The following LUZP2 variants were observed in gnomAD, a reference collection of about 807,000 sequenced individuals.
LUZP2 encodes leucine zipper protein 2.
LUZP2 carries 52 observed loss-of-function variants against 51.6 expected under a neutral mutation model. The ratio of observed to expected loss-of-function variants is 1.01; its 90% CI spans 0.81 to 1.27. The LOEUF is 1.27. LUZP2 is among the 50% of genes most tolerant of loss of function. The pLI is 0.00. For missense variants in LUZP2, 436 were observed against 395.4 expected, an observed-to-expected ratio of 1.10 and a Z score of -0.87; for synonymous variants, 154 against 137.3, an observed-to-expected ratio of 1.12 and a Z score of -0.85.
intron 6 of LUZP2, among the ~76,000 whole-genome samples, chr11:24,907,704 T>G (rs949282780): frequency 6.6e-6 from 1 of 152,182 alleles, no homozygotes; most frequent in African/African-American, 2.4e-5. Context: ...ATGACACTCA[T>G]GTATATGAAA....
intron 1 of LUZP2, among the ~76,000 whole-genome samples, chr11:24,650,839 T>C (rs1053668916): frequency 5.3e-5 from 8 of 152,134 alleles, no homozygotes; most frequent in Non-Finnish European, 1.5e-5. Flanking sequence ...TGCATTAATA[T>C]GCATCATAAG....
At chr11:24,628,298 G>C (rs190007252) in intron 1 of LUZP2, among the ~76,000 whole-genome samples, 1 of 151,850 alleles carries the variant, frequency 6.6e-6, no homozygotes, top group Non-Finnish European at 1.5e-5. Context: ...GCTGGTCTTT[G>C]ATCATTATGC....
intron 1 of LUZP2, among the ~76,000 whole-genome samples, chr11:24,628,707 C>T (rs866245421): frequency 3.9e-5 from 6 of 152,254 alleles, no homozygotes; most frequent in African/African-American, 9.6e-5. Context: ...TAAAGCCACA[C>T]AACACCATGC....
chr11:24,978,466 G>C (rs79773119), intron 8 of LUZP2, among the ~76,000 whole-genome samples: 1,722 of 151,748 alleles, frequency 0.011, 34 homozygotes, highest in African/African-American at 0.038. Flanking sequence ...AAGCAGTCTG[G>C]TCTTCTCTGA....
intron 5 of LUZP2, among the ~76,000 whole-genome samples, chr11:24,874,179 C>A (rs530673214): frequency 1.3e-5 from 2 of 152,130 alleles, no homozygotes; most frequent in African/African-American, 4.8e-5. Flanking sequence ...GCTAGAGATT[C>A]TCATTTGCCC....
At chr11:24,865,610 C>T (rs1851864547) in intron 5 of LUZP2, among the ~76,000 whole-genome samples, 1 of 152,076 alleles carries the variant, frequency 6.6e-6, no homozygotes. Context: ...CTCACTCCCT[C>T]TCTCATTTAT....
At chr11:25,048,538 A>G (rs909315600) in intron 9 of LUZP2, among the ~76,000 whole-genome samples, 16 of 152,332 alleles carry the variant, frequency 1.1e-4, no homozygotes, top group African/African-American at 3.8e-4. Context: ...CATCTAAAAC[A>G]GAACACTGGC....
In LUZP2 at chr11:24,948,824, C is replaced by CT. The variant is rs1400575565; in HGVS notation, c.523-27767_523-27766insT. ...AAACTCTATCTATCTATCTATCTAT[C>CT]ATCTATCTATCTATCTATCTATCTA... On this transcript the variant is annotated intron_variant, in intron 7 of 11. Transcript: ENST00000336930. 1.4e-3 allele frequency among the ~76,000 whole-genome samples: 177 copies of CT among 122,650 alleles called. 1 individual carries two copies. Among genetic ancestry groups the CT allele is most frequent in the African/African-American group, 4.3e-3 (166 of 38,716 alleles). The allele number at this position is 122,650 out of a possible 152,430, so 80.5% of individuals were successfully genotyped here.
At chr11:24,848,951 A>G (rs868771375) in intron 5 of LUZP2, among the ~76,000 whole-genome samples, 2 of 152,160 alleles carry the variant, frequency 1.3e-5, no homozygotes, top group African/African-American at 2.4e-5. Context: ...AATTAAGGCC[A>G]TATATGACAA....
At chr11:24,911,410 A>G (rs1415096745) in intron 6 of LUZP2, among the ~76,000 whole-genome samples, 1 of 152,140 alleles carries the variant, frequency 6.6e-6, no homozygotes, top group African/African-American at 2.4e-5. Flanking sequence ...CATAATCTCC[A>G]CATTTCAAAG....
At position 24,699,688 on chromosome 11, in the gene LUZP2, G is replaced by T. The variant is rs200797559; in HGVS notation, c.63-29481G>T. On this transcript the variant is annotated intron_variant, in intron 1 of 11. Transcript: ENST00000336930. The stretch of plus-strand genomic sequence containing the variant: ...ATATACACACACACATATATACACA[G>T]ACACACACACACACGCACACATCAT... Among the ~76,000 whole-genome samples the T allele has an allele frequency of 5.0e-5, 5 of 99,974 alleles. No individual in the cohort carries two copies. In the South Asian group the frequency reaches 1.2e-3, roughly 24 times the overall value. 65.6% of individuals were successfully genotyped at this position (99,974 alleles called of 152,430 possible).
chr11:25,029,753 G>T (rs1455666952), intron 9 of LUZP2, among the ~76,000 whole-genome samples: 4 of 134,000 alleles, frequency 3.0e-5, no homozygotes, highest in African/African-American at 8.7e-5. Flanking sequence ...AAAAAAAAAA[G>T]TATAATTATT....
intron 5 of LUZP2, among the ~76,000 whole-genome samples, chr11:24,853,095 G>A (rs1851445628): frequency 6.6e-6 from 1 of 152,140 alleles, no homozygotes; most frequent in South Asian, 2.1e-4. Flanking sequence ...ATTGTTATGT[G>A]TGAATTTTAT....
intron 1 of LUZP2, among the ~76,000 whole-genome samples, chr11:24,610,002 G>T (rs1231648244): frequency 6.6e-6 from 1 of 152,084 alleles, no homozygotes; most frequent in Non-Finnish European, 1.5e-5. Flanking sequence ...GGCTAACCTG[G>T]GAGTAACAAC....
At chr11:24,583,001 A>C (rs902952001) in intron 1 of LUZP2, among the ~76,000 whole-genome samples, 10 of 152,222 alleles carry the variant, frequency 6.6e-5, no homozygotes, top group Admixed American at 2.0e-4. Flanking sequence ...CATTTCTTAG[A>C]CTAGATGTTA....
chr11:24,578,142 C>G (rs1342114149), intron 1 of LUZP2, among the ~76,000 whole-genome samples: 2 of 145,344 alleles, frequency 1.4e-5, no homozygotes, highest in South Asian at 4.3e-4. Flanking sequence ...TTTTAAAAAG[C>G]TTTTTCAGCT....
intron 5 of LUZP2, chr11:24,892,184 C>T: frequency 1.0e-6 from 1 of 985,450 alleles, no homozygotes; most frequent in Non-Finnish European, 1.2e-6. Context: ...CCTTTTTTAC[C>T]TTCTGTGGTT....
At chr11:24,674,074 A>G (rs1336690663) in intron 1 of LUZP2, among the ~76,000 whole-genome samples, 1 of 152,190 alleles carries the variant, frequency 6.6e-6, no homozygotes, top group Non-Finnish European at 1.5e-5. Flanking sequence ...TAGGGATGAG[A>G]ACTGCCATTT....
chr11:24,773,222 C>T (rs1228839456), intron 5 of LUZP2, among the ~76,000 whole-genome samples: 1 of 151,698 alleles, frequency 6.6e-6, no homozygotes, highest in Non-Finnish European at 1.5e-5. Context: ...TACTTAATTC[C>T]AATATTGTCC....
Sources: gnomAD v4.1 joint callset for allele counts (sites outside exome capture counted in the v4.1 genomes callset) on GRCh38, gnomAD v4.1.1 for gene constraint, MANE v1.5 for transcripts, NCBI Gene and HGNC (gene_info 2026-07-23, HGNC 2026-07-21) for gene names.